Variants in CCM2 observed in about 807,000 individuals in gnomAD.
The protein encoded by CCM2 is CCM2 scaffold protein.
In CCM2, 25 loss-of-function variants were observed where a neutral mutation model predicts 44.9. The observed-to-expected ratio is 0.56, with a 90% confidence interval of 0.41 to 0.78. CCM2 has a LOEUF of 0.78. CCM2 is among the 30% of genes least tolerant of loss of function. The pLI is 0.00. For missense variants in CCM2, 481 were observed against 580.6 expected (o/e 0.83, Z 1.76); for synonymous variants, 219 against 241.1 (o/e 0.91, Z 0.85).
chr7:45,066,064 A>G (rs549891254), intron 4 of CCM2, among the ~76,000 whole-genome samples: 2 of 152,236 alleles, frequency 1.3e-5, no homozygotes, highest in East Asian at 3.9e-4. Context: ...AATTATTAGA[A>G]CACATTGCTA....
intron 2 of CCM2, among the ~76,000 whole-genome samples, chr7:45,058,890 C>T (rs1306398925): frequency 2.0e-5 from 3 of 147,294 alleles, no homozygotes; most frequent in East Asian, 2.0e-4. Flanking sequence ...CCTGCCACCA[C>T]GCCCAGCTAA....
At chr7:45,070,658 G>T in intron 6 of CCM2, 1 of 277,402 alleles carries the variant, frequency 3.6e-6, no homozygotes, top group Non-Finnish European at 7.4e-6. Context: ...TGCATAAAAA[G>T]CTGTTGGAGG....
At chr7:45,027,848 A>C (rs1287698153) in intron 1 of CCM2, 1 of 1,593,498 alleles carries the variant, frequency 6.3e-7, no homozygotes, top group Admixed American at 1.7e-5. Context: ...TGATGGTGTG[A>C]GTCCCTTGTG....
At chr7:45,072,642 G>A (rs1014253118) in intron 6 of CCM2, 84 bp from the exon 7 acceptor site, 1 of 1,065,294 alleles carries the variant, frequency 9.4e-7, no homozygotes, top group Non-Finnish European at 1.5e-6. Context: ...GCTGTCTCCT[G>A]TAAATACAGC....
intron 1 of CCM2, among the ~76,000 whole-genome samples, chr7:45,020,420 T>C (rs1796438890): frequency 6.6e-6 from 1 of 152,178 alleles, no homozygotes; most frequent in Non-Finnish European, 1.5e-5. Context: ...ATATAGTTTC[T>C]TTATTCTTCT....
chr7:45,052,620 C>T (rs1003904891), intron 2 of CCM2, among the ~76,000 whole-genome samples: 4 of 152,082 alleles, frequency 2.6e-5, no homozygotes, highest in Admixed American at 1.3e-4. Context: ...AAGTGTTTAC[C>T]GCATCAGTAG....
chr7:45,051,377 G>A (rs967656984), intron 2 of CCM2, among the ~76,000 whole-genome samples: 2 of 145,724 alleles, frequency 1.4e-5, no homozygotes, highest in African/African-American at 5.4e-5. Context: ...GCTCCAGGAT[G>A]CTTGGGTATT....
At chr7:45,072,906 C>A in intron 7 of CCM2, 123 bp downstream of exon 7, 1 of 803,322 alleles carries the variant, frequency 1.2e-6, no homozygotes, top group Non-Finnish European at 2.1e-6. Context: ...CATCCCCAGA[C>A]CCACTGTACC....
At chr7:45,013,024 C>T (rs938775832) in intron 1 of CCM2, among the ~76,000 whole-genome samples, 1 of 152,090 alleles carries the variant, frequency 6.6e-6, no homozygotes, top group African/African-American at 2.4e-5. Context: ...TTAAGTCTAT[C>T]ATTTTGATAT....
chr7:45,074,018 C>G, intron 8 of CCM2: 1 of 720,220 alleles, frequency 1.4e-6, no homozygotes, highest in Non-Finnish European at 2.2e-6. Context: ...GGCTCCTGTC[C>G]CTCCCATGCA....
intron 2 of CCM2, 121 bp from the exon 3 acceptor site, chr7:45,063,797 G>A: frequency 1.3e-6 from 1 of 753,972 alleles, no homozygotes; most frequent in Non-Finnish European, 2.4e-6. Flanking sequence ...GAGCCGGAAT[G>A]GAGACCCATG....
At chr7:45,025,526 CTCTT>C (rs1796650755) in intron 1 of CCM2, among the ~76,000 whole-genome samples, 1 of 127,770 alleles carries the variant, frequency 7.8e-6, no homozygotes, top group Admixed American at 9.2e-5. Context: ...TCTCTGTTCT[CTCTT>C]TTTCTTTTTT....
chr7:45,005,843 G>C (rs752373581), intron 1 of CCM2, among the ~76,000 whole-genome samples: 6 of 152,242 alleles, frequency 3.9e-5, no homozygotes, highest in Non-Finnish European at 8.8e-5. Context: ...CCGGGACTGT[G>C]TCCTGCAGTT....
intron 2 of CCM2, among the ~76,000 whole-genome samples, chr7:45,039,597 G>C (rs1407235896): frequency 6.6e-6 from 1 of 152,112 alleles, no homozygotes; most frequent in Admixed American, 6.5e-5. Context: ...TGAATAAACA[G>C]CAACAATGCA....
At chr7:45,046,694 T>A (rs1312103451) in intron 2 of CCM2, among the ~76,000 whole-genome samples, 1 of 152,228 alleles carries the variant, frequency 6.6e-6, no homozygotes, top group Non-Finnish European at 1.5e-5. Context: ...TTCTGAGACT[T>A]GATACCTAAA....
At chr7:45,005,025 A>G (rs899247036) in intron 1 of CCM2, among the ~76,000 whole-genome samples, 1 of 149,922 alleles carries the variant, frequency 6.7e-6, no homozygotes, top group Non-Finnish European at 1.5e-5. Flanking sequence ...CATGGTCATG[A>G]CCCACTAAAC....
chr7:45,066,345 CTA>C (rs1468648741), intron 4 of CCM2, among the ~76,000 whole-genome samples: 1 of 152,106 alleles, frequency 6.6e-6, no homozygotes, highest in Non-Finnish European at 1.5e-5. Flanking sequence ...TGAAGTCTCT[CTA>C]TGTTGCCCAC....
chr7:45,013,466 G>A (rs769550886), intron 1 of CCM2, among the ~76,000 whole-genome samples: 1 of 151,884 alleles, frequency 6.6e-6, no homozygotes, highest in Non-Finnish European at 1.5e-5. Flanking sequence ...TAACATTTCT[G>A]AACCATTAAG....
At chr7:45,060,606 T>C (rs1374876883) in intron 2 of CCM2, among the ~76,000 whole-genome samples, 1 of 152,252 alleles carries the variant, frequency 6.6e-6, no homozygotes, top group Non-Finnish European at 1.5e-5. Flanking sequence ...CCACAGTTCT[T>C]GCATATTCTG....
Sources: gnomAD v4.1 joint callset for allele counts (sites outside exome capture counted in the v4.1 genomes callset) on GRCh38, gnomAD v4.1.1 for gene constraint, MANE v1.5 for transcripts, NCBI Gene and HGNC (gene_info 2026-07-23, HGNC 2026-07-21) for gene names.